SORCS3: variants seen among roughly 807,000 people sequenced by gnomAD.
The protein encoded by SORCS3 is sortilin related VPS10 domain containing receptor 3, also known as VPS10 domain-containing receptor SorCS3.
In SORCS3, 57 loss-of-function variants were observed where a neutral mutation model predicts 146.3. The ratio of observed to expected loss-of-function variants is 0.39; its 90% confidence interval spans 0.31 to 0.49. SORCS3 has a LOEUF of 0.49. SORCS3 is among the 20% of genes least tolerant of loss of function. The pLI, the probability that SORCS3 is intolerant of heterozygous loss-of-function variation, is 0.92. For synonymous variants in SORCS3, 653 were observed against 618.5 expected (o/e 1.06, Z -0.83); for missense variants, 1,341 against 1,575.5 (o/e 0.85, Z 2.52).
intron 10 of SORCS3, 131 bp downstream of exon 10, chr10:105,157,415 C>T (rs1021472094): frequency 9.3e-7 from 1 of 1,075,422 alleles, no homozygotes; most frequent in Non-Finnish European, 1.3e-6. Context: ...CTAAAACTTG[C>T]AGGGCATTGG....
intron 6 of SORCS3, among the ~76,000 whole-genome samples, chr10:105,090,760 C>A (rs1171472028): frequency 6.6e-6 from 1 of 152,090 alleles, no homozygotes; most frequent in Non-Finnish European, 1.5e-5. Flanking sequence ...AATACTCATC[C>A]TTGCCCGGAG....
intron 1 of SORCS3, among the ~76,000 whole-genome samples, chr10:104,801,724 G>A (rs1316572148): frequency 6.6e-6 from 1 of 152,166 alleles, no homozygotes; most frequent in East Asian, 1.9e-4. Context: ...CCGAAAGAAG[G>A]AACTGAAGCA....
chr10:104,662,309 A>G (rs2015712870), intron 1 of SORCS3, among the ~76,000 whole-genome samples: 1 of 152,082 alleles, frequency 6.6e-6, no homozygotes, highest in South Asian at 2.1e-4. Flanking sequence ...CAATTAGGAT[A>G]CTCTTACTGT....
At chr10:104,969,080 A>G (rs746736988) in intron 3 of SORCS3, among the ~76,000 whole-genome samples, 5 of 152,200 alleles carry the variant, frequency 3.3e-5, no homozygotes, top group Non-Finnish European at 7.3e-5. Flanking sequence ...GTGAATATAC[A>G]ATACACGTAT....
chr10:104,911,383 C>T (rs914993138), intron 2 of SORCS3, among the ~76,000 whole-genome samples: 1 of 152,188 alleles, frequency 6.6e-6, no homozygotes, highest in Non-Finnish European at 1.5e-5. Flanking sequence ...GTTGGGCAGT[C>T]CCTCTTTTCA....
intron 1 of SORCS3, among the ~76,000 whole-genome samples, chr10:104,812,300 C>T (rs1354660512): frequency 2.0e-5 from 3 of 152,264 alleles, no homozygotes; most frequent in Middle Eastern, 3.4e-3. Context: ...AGAGTAAGGA[C>T]GCAGTACACC....
At chr10:105,245,084 AAGAC>A (rs1220934661) in intron 20 of SORCS3, among the ~76,000 whole-genome samples, 1 of 151,678 alleles carries the variant, frequency 6.6e-6, no homozygotes, top group Non-Finnish European at 1.5e-5. Flanking sequence ...AAAAAAAAAA[AAGAC>A]AGTGTGCTTA....
At chr10:104,707,736 T>C (rs2016354507) in intron 1 of SORCS3, among the ~76,000 whole-genome samples, 1 of 152,340 alleles carries the variant, frequency 6.6e-6, no homozygotes, top group Non-Finnish European at 1.5e-5. Flanking sequence ...ACTCAAAGGC[T>C]GAGAGCTAGT....
At chr10:105,069,648 T>G (rs1453905113) in intron 5 of SORCS3, among the ~76,000 whole-genome samples, 1 of 152,186 alleles carries the variant, frequency 6.6e-6, no homozygotes, top group Non-Finnish European at 1.5e-5. Context: ...TTCTGAAGCA[T>G]CTAATACTGT....
intron 5 of SORCS3, among the ~76,000 whole-genome samples, chr10:105,075,295 A>T (rs748783094): frequency 4.6e-5 from 7 of 152,190 alleles, no homozygotes; most frequent in Non-Finnish European, 1.0e-4. Context: ...TAAGTGACTC[A>T]GCTTTCTGAG....
At chr10:104,983,185 G>C (rs1261465684) in intron 4 of SORCS3, among the ~76,000 whole-genome samples, 5 of 152,054 alleles carry the variant, frequency 3.3e-5, no homozygotes, top group Non-Finnish European at 7.4e-5. Flanking sequence ...TTTTTATGTA[G>C]AGATGAGGTT....
intron 1 of SORCS3, among the ~76,000 whole-genome samples, chr10:104,690,315 C>T (rs1011528632): frequency 3.9e-5 from 6 of 152,186 alleles, no homozygotes; most frequent in African/African-American, 1.4e-4. Flanking sequence ...TATTCTGCTG[C>T]CGTGCTCCTC....
At chr10:104,961,933 C>A (rs140105085) in intron 3 of SORCS3, among the ~76,000 whole-genome samples, 24 of 152,120 alleles carry the variant, frequency 1.6e-4, no homozygotes, top group Non-Finnish European at 3.2e-4. Context: ...CATTGTTTAA[C>A]CAAAGCTCCC....
intron 1 of SORCS3, among the ~76,000 whole-genome samples, chr10:104,784,949 A>G (rs529261743): frequency 9.9e-5 from 15 of 152,242 alleles, no homozygotes; most frequent in Middle Eastern, 3.4e-3. Flanking sequence ...CCCGTTCTCA[A>G]TGAGCTGTTG....
intron 8 of SORCS3, among the ~76,000 whole-genome samples, chr10:105,140,907 A>G (rs1275392924): frequency 6.6e-6 from 1 of 152,162 alleles, no homozygotes; most frequent in Non-Finnish European, 1.5e-5. Flanking sequence ...TCTAAACCCA[A>G]ACAGGAAAGA....
chr10:105,205,925 A>G (rs994841165), intron 16 of SORCS3, among the ~76,000 whole-genome samples: 1 of 152,216 alleles, frequency 6.6e-6, no homozygotes, highest in Non-Finnish European at 1.5e-5. Context: ...CCTGAGTCTT[A>G]GTATGTATTA....
intron 1 of SORCS3, among the ~76,000 whole-genome samples, chr10:104,832,909 G>A (rs2018017279): frequency 6.6e-6 from 1 of 152,108 alleles, no homozygotes; most frequent in Non-Finnish European, 1.5e-5. Flanking sequence ...ACTTTTCATT[G>A]TTGATGTTCA....
At chr10:105,191,764 A>G (rs1248848965) in intron 14 of SORCS3, among the ~76,000 whole-genome samples, 3 of 152,144 alleles carry the variant, frequency 2.0e-5, no homozygotes, top group African/African-American at 7.2e-5. Context: ...TTGCATGTAC[A>G]GTTCATAGTA....
At chr10:104,900,738 A>C (rs2018843394) in intron 2 of SORCS3, among the ~76,000 whole-genome samples, 1 of 151,760 alleles carries the variant, frequency 6.6e-6, no homozygotes, top group Admixed American at 6.6e-5. Flanking sequence ...AAAATGCAAA[A>C]AATTAATTAC....
Sources: gnomAD v4.1 joint callset for allele counts (sites outside exome capture counted in the v4.1 genomes callset) on GRCh38, gnomAD v4.1.1 for gene constraint, MANE v1.5 for transcripts, NCBI Gene and HGNC (gene_info 2026-07-23, HGNC 2026-07-21) for gene names.